The following ALK variants were observed in gnomAD, a reference collection of about 807,000 sequenced individuals.
ALK encodes the protein ALK receptor tyrosine kinase, also known as ALK tyrosine kinase receptor.
In ALK, 74 loss-of-function variants were observed where a neutral mutation model predicts 163.1. That is an observed-to-expected ratio of 0.45 (90% confidence interval 0.38 to 0.55). The LOEUF is 0.55. Among genes scored for constraint, ALK ranks in the 20% least tolerant of loss-of-function variants. The pLI is 0.00. For missense variants in ALK, 2,063 were observed against 2,105.3 expected (o/e 0.98, Z 0.39); for synonymous variants, 960 against 843.2 (o/e 1.14, Z -2.40).
chr2:29,761,211 C>T (rs1680691367), intron 1 of ALK, among the ~76,000 whole-genome samples: 1 of 152,128 alleles, frequency 6.6e-6, no homozygotes, highest in African/African-American at 2.4e-5. Context: ...AACCAAGCAG[C>T]CCTCACAATG....
chr2:29,871,504 C>T (rs1019363212), intron 1 of ALK, among the ~76,000 whole-genome samples: 1 of 152,282 alleles, frequency 6.6e-6, no homozygotes, highest in Admixed American at 6.5e-5. Flanking sequence ...TAGGCACAAG[C>T]AGCATGGAAA....
intron 5 of ALK, among the ~76,000 whole-genome samples, chr2:29,330,148 T>C (rs553191554): frequency 6.6e-6 from 1 of 152,320 alleles, no homozygotes; most frequent in Admixed American, 6.5e-5. Flanking sequence ...TCCCACCTCC[T>C]TCCAGGGAAT....
Position 29,800,605 on chromosome 2 carries a change from T to C in ALK, c.668-82908A>G, listed in dbSNP as rs529654317. On this transcript the variant is annotated intron_variant, in intron 1 of 28. Coordinates refer to ENST00000389048, the MANE Select transcript of ALK (RefSeq NM_004304.5). ...ATTAGGATTAGGGTACCCAGGAATT[T>C]CCACTGAAGTGTGGCAACAGGGAGG... 5.3e-5 allele frequency among the ~76,000 whole-genome samples: 8 copies of C among 152,226 alleles called. No individual in the cohort carries two copies. In the South Asian group the frequency reaches 1.7e-3, roughly 32 times the overall value.
chr2:29,796,839 T>A (rs908902575), intron 1 of ALK, among the ~76,000 whole-genome samples: 1 of 152,118 alleles, frequency 6.6e-6, no homozygotes, highest in Non-Finnish European at 1.5e-5. Context: ...CATGAGTTTT[T>A]TTAAATGTAG....
intron 4 of ALK, among the ~76,000 whole-genome samples, chr2:29,417,224 G>T (rs971408683): frequency 4.6e-5 from 7 of 152,168 alleles, no homozygotes; most frequent in Non-Finnish European, 8.8e-5. Flanking sequence ...TCCTGACCTT[G>T]TGATCCACCC....
chr2:29,661,241 G>A (rs1285794623), intron 3 of ALK, among the ~76,000 whole-genome samples: 3 of 152,174 alleles, frequency 2.0e-5, no homozygotes, highest in Non-Finnish European at 4.4e-5. Context: ...GCAGCTACAG[G>A]AAGCAGAGTC....
intron 3 of ALK, among the ~76,000 whole-genome samples, chr2:29,571,094 G>C (rs1431245650): frequency 6.6e-6 from 1 of 152,072 alleles, no homozygotes; most frequent in African/African-American, 2.4e-5. Flanking sequence ...ATAGTGGAGG[G>C]GGCACCTTAC....
intron 5 of ALK, among the ~76,000 whole-genome samples, chr2:29,331,254 T>C (rs1319752881): frequency 1.3e-5 from 2 of 152,208 alleles, no homozygotes; most frequent in Admixed American, 6.5e-5. Context: ...AGATAACTTA[T>C]AGATTCTAAG....
chr2:29,707,974 C>T (rs1231609911), intron 2 of ALK, among the ~76,000 whole-genome samples: 5 of 152,146 alleles, frequency 3.3e-5, no homozygotes, highest in Non-Finnish European at 5.9e-5. Context: ...TCTCAGATTC[C>T]CAAGATGAGT....
At chr2:29,630,067 G>A (rs1012555596) in intron 3 of ALK, among the ~76,000 whole-genome samples, 11 of 152,062 alleles carry the variant, frequency 7.2e-5, no homozygotes, top group Non-Finnish European at 1.3e-4. Context: ...GCCTTTCTTC[G>A]ACACACAATG....
At chr2:29,225,976 C>T (rs1663972735) in intron 18 of ALK, among the ~76,000 whole-genome samples, 1 of 152,094 alleles carries the variant, frequency 6.6e-6, no homozygotes, top group Non-Finnish European at 1.5e-5. Flanking sequence ...AGGCACTGGG[C>T]TCACAGTGGG....
chr2:29,767,062 A>G (rs1680884699), intron 1 of ALK, among the ~76,000 whole-genome samples: 1 of 152,212 alleles, frequency 6.6e-6, no homozygotes, highest in Non-Finnish European at 1.5e-5. Flanking sequence ...AGTTTTGGCA[A>G]TGTACTACAA....
chr2:29,197,518 G>T (rs771594659), intron 27 of ALK, 24 bp downstream of exon 27: 2 of 1,612,740 alleles, frequency 1.2e-6, no homozygotes, highest in Non-Finnish European at 1.7e-6. Flanking sequence ...GTAACTAGCA[G>T]AAGTGTTCCT....
At chr2:29,816,325 A>G (rs758344033) in intron 1 of ALK, among the ~76,000 whole-genome samples, 2 of 152,112 alleles carry the variant, frequency 1.3e-5, no homozygotes, top group Admixed American at 6.5e-5. Flanking sequence ...CCTTCTCTCT[A>G]GAGGAGATAA....
intron 25 of ALK, 33 bp downstream of exon 25, chr2:29,209,753 C>T (rs1180156574): frequency 4.5e-6 from 7 of 1,542,580 alleles, no homozygotes; most frequent in Non-Finnish European, 6.3e-6. Context: ...GTGGAAGAGA[C>T]AGGCCCGGAG....
chr2:29,861,977 A>T (rs956509970), intron 1 of ALK, among the ~76,000 whole-genome samples: 3 of 152,244 alleles, frequency 2.0e-5, no homozygotes, highest in African/African-American at 7.2e-5. Flanking sequence ...CTCAAAATAC[A>T]CAAATCAATC....
intron 4 of ALK, among the ~76,000 whole-genome samples, chr2:29,396,662 G>A (rs375531904): frequency 1.2e-4 from 18 of 151,968 alleles, no homozygotes; most frequent in South Asian, 4.2e-4. Flanking sequence ...ATGACAGAGC[G>A]AGACTCCATC....
intron 1 of ALK, among the ~76,000 whole-genome samples, chr2:29,835,952 G>A (rs896421945): frequency 1.3e-5 from 2 of 152,044 alleles, no homozygotes; most frequent in African/African-American, 4.8e-5. Flanking sequence ...TGTGAAAATG[G>A]ACTAATATAG....
In ALK at chr2:29,321,362, T is replaced by TG. The variant is rs1412753993; in HGVS notation, c.1415-481dup. On this transcript the variant is annotated intron_variant, in intron 6 of 28. Coordinates refer to ENST00000389048, the MANE Select transcript of ALK (RefSeq NM_004304.5). ...TGATACAATGTCCAGACTGTGGTGG[T>TG]GGTTGTGGTAGTGTTGGCTGGGGGT... is the stretch of plus-strand genomic sequence containing the variant. Among the ~76,000 whole-genome samples, 3 of 152,288 alleles carry TG rather than the reference T, an allele frequency of 2.0e-5. No individual in the cohort carries two copies. The South Asian group carries it at 6.2e-4, about 32-fold the overall frequency.
Sources: gnomAD v4.1 joint callset for allele counts (sites outside exome capture counted in the v4.1 genomes callset) on GRCh38, gnomAD v4.1.1 for gene constraint, MANE v1.5 for transcripts, NCBI Gene and HGNC (gene_info 2026-07-23, HGNC 2026-07-21) for gene names.